Variants in DNAH9 observed in about 807,000 individuals in gnomAD.
DNAH9 encodes the protein DNAH9 variant protein.
DNAH9 carries 345 observed loss-of-function variants against 471.6 expected under a neutral mutation model. The observed-to-expected ratio is 0.73, with a 90% CI of 0.67 to 0.80. DNAH9 has a LOEUF of 0.80. Ranked by LOEUF, DNAH9 falls within the 30% of genes least tolerant of loss-of-function variation. The pLI, the probability that DNAH9 is intolerant of heterozygous loss-of-function variation, is 0.00. For synonymous variants in DNAH9, 2,093 were observed against 2,123.6 expected (o/e 0.99, Z 0.40); for missense variants, 5,407 against 5,609.2 (o/e 0.96, Z 1.15).
intron 12 of DNAH9, among the ~76,000 whole-genome samples, chr17:11,650,002 T>C (rs1226260225): frequency 6.6e-6 from 1 of 152,256 alleles, no homozygotes; most frequent in African/African-American, 2.4e-5. Flanking sequence ...TTTGTGGTTT[T>C]ATGTTTGGAA....
intron 38 of DNAH9, among the ~76,000 whole-genome samples, chr17:11,769,745 T>A (rs551667873): frequency 3.3e-4 from 51 of 152,320 alleles, no homozygotes; most frequent in African/African-American, 1.2e-3. Context: ...GGTAAAAGGA[T>A]GTGATTGCCC....
intron 36 of DNAH9, among the ~76,000 whole-genome samples, chr17:11,767,749 T>TTG: frequency 6.6e-6 from 1 of 152,202 alleles, no homozygotes; most frequent in East Asian, 1.9e-4. Context: ...GTACACTGGG[T>TTG]ATACAGCCCC....
intron 21 of DNAH9, 72 bp from the exon 22 acceptor site, chr17:11,694,249 A>G (rs2074388727): frequency 6.6e-7 from 1 of 1,524,538 alleles, no homozygotes; most frequent in East Asian, 2.3e-5. Flanking sequence ...ATATACATAC[A>G]TTTAAGTAAT....
intron 48 of DNAH9, among the ~76,000 whole-genome samples, chr17:11,826,729 T>C (rs1970509311): frequency 6.6e-6 from 1 of 151,704 alleles, no homozygotes. Context: ...CCCAAAGTGC[T>C]GGGATTACAA....
intron 14 of DNAH9, among the ~76,000 whole-genome samples, chr17:11,664,289 G>T (rs1193333304): frequency 6.6e-6 from 1 of 151,294 alleles, no homozygotes; most frequent in Non-Finnish European, 1.5e-5. Context: ...GAGAGAGAGA[G>T]TGAGAGAGAG....
At chr17:11,826,816 CTTTCTT>C (rs1970512576) in intron 48 of DNAH9, among the ~76,000 whole-genome samples, 1 of 136,316 alleles carries the variant, frequency 7.3e-6, no homozygotes, top group Admixed American at 7.3e-5. Flanking sequence ...TGAGTCCCTA[CTTTCTT>C]TTTTTTTTTT....
Position 11,701,113 on chromosome 17 carries a change from T to G in DNAH9, c.5026-9T>G, listed in dbSNP as rs758162584. On this transcript the variant is annotated splice_polypyrimidine_tract_variant and intron_variant, in intron 23 of 68. Coordinates refer to ENST00000262442, the MANE Select transcript of DNAH9 (RefSeq NM_001372.4). Reference sequence around the variant, plus strand: ...GGCACCCAGTGTCTAACCTGAGTTGTTCTTTCAGGTAGAAATATGGCTGAA... The same window carrying G: ...GGCACCCAGTGTCTAACCTGAGTTGGTCTTTCAGGTAGAAATATGGCTGAA... 1 of 1,614,082 alleles carries G rather than the reference T, an allele frequency of 6.2e-7. No homozygotes were observed. The highest frequency in any genetic ancestry group is 2.2e-5 in the East Asian group (1 of 44,874).
chr17:11,666,936 C>G (rs1007210131), intron 15 of DNAH9, among the ~76,000 whole-genome samples: 3 of 152,184 alleles, frequency 2.0e-5, no homozygotes, highest in Non-Finnish European at 2.9e-5. Flanking sequence ...TCCCTGTCAT[C>G]TCTCAACCCA....
At position 11,757,594 on chromosome 17, in the gene DNAH9, C is replaced by G. The variant is rs775679931; in HGVS notation, c.6897C>G (p.Ser2299Arg). Residue 2299 changes from serine to arginine, a missense_variant, in exon 35 of 69, where the codon AGC (serine) becomes AGG (arginine). Transcript: ENST00000262442. The part of the protein sequence containing the change: ...PADLGWNPPV[S>R]SWIEKREIQT... ...ACTTGGGATGGAACCCTCCAGTGAG[C>G]AGCTGGATTGAGAAGAGGGAAATCC... 6.2e-7 allele frequency: 1 copy of G among 1,613,318 alleles called. No individual in the cohort carries two copies. Among genetic ancestry groups the G allele is most frequent in the Non-Finnish European group, 8.5e-7 (1 of 1,179,236 alleles).
At chr17:11,813,403 C>T (rs1243157382) in intron 45 of DNAH9, among the ~76,000 whole-genome samples, 1 of 152,062 alleles carries the variant, frequency 6.6e-6, no homozygotes, top group East Asian at 1.9e-4. Flanking sequence ...TAATTTCTGG[C>T]CAGAAAGTAA....
chr17:11,849,256 G>A (rs1003985163), intron 49 of DNAH9, among the ~76,000 whole-genome samples: 1 of 152,052 alleles, frequency 6.6e-6, no homozygotes, highest in African/African-American at 2.4e-5. Context: ...TCAGTTCCCT[G>A]CCTAGATGGC....
At position 11,708,008 on chromosome 17, in the gene DNAH9, CACACACAGAGAGAGAGAGAGAGAG is replaced by C. The variant is rs1239535205; in HGVS notation, c.5552+2825_5552+2848del. On this transcript the variant is annotated intron_variant, in intron 26 of 68. Transcript: ENST00000262442. The stretch of plus-strand genomic sequence containing the variant: ...ACACACACACACACACACACACACA[CACACACAGAGAGAGAGAGAGAGAG>C]AGAGAGAGAGAGAGAGAGAGAGAGC... 9.4e-3 allele frequency among the ~76,000 whole-genome samples: 440 copies of C among 47,040 alleles called. 3 individuals are homozygous for C. The highest frequency in any genetic ancestry group is 0.025 in the African/African-American group (418 of 16,860). 30.9% of individuals were successfully genotyped at this position (47,040 alleles called of 152,430 possible).
Position 11,838,276 on chromosome 17 carries a change from C to T in DNAH9, c.9507+3378C>T, listed in dbSNP as rs143133424. On this transcript the variant is annotated intron_variant, in intron 49 of 68. Transcript: ENST00000262442. ...TAATCTAGAAGTAATGGTGCAGAAA[C>T]TGAAAGTGGTGACTTCCAGAGAGAC... Among the ~76,000 whole-genome samples the T allele has an allele frequency of 3.0e-3, 459 of 152,298 alleles. 4 individuals carry two copies. The highest frequency in any genetic ancestry group is 0.011 in the African/African-American group (444 of 41,564).
intron 21 of DNAH9, 95 bp from the exon 22 acceptor site, chr17:11,694,226 T>C: frequency 7.2e-7 from 1 of 1,393,038 alleles, no homozygotes; most frequent in East Asian, 2.3e-5. Flanking sequence ...AATGCATATG[T>C]TCCGTCTATT....
At chr17:11,836,539 G>A (rs978053918) in intron 49 of DNAH9, among the ~76,000 whole-genome samples, 2 of 152,084 alleles carry the variant, frequency 1.3e-5, no homozygotes, top group Non-Finnish European at 2.9e-5. Flanking sequence ...GTGTGACCCG[G>A]CTGTACCACT....
intron 14 of DNAH9, among the ~76,000 whole-genome samples, chr17:11,661,576 A>G (rs11656303): frequency 0.28 from 41,938 of 151,886 alleles, 6,872 homozygotes; most frequent in Middle Eastern, 0.4. Flanking sequence ...CTCAATTGGC[A>G]TTTCAGCTTT....
chr17:11,926,723 T>G lies in DNAH9; in HGVS notation c.11877+2782T>G, dbSNP rs1157074059. ...AATAGTGCTGCTGTGAACATATGCA[T>G]GCATGTATCTTTATAATAAAATGAT... On this transcript the variant is annotated intron_variant, in intron 62 of 68. Coordinates refer to ENST00000262442, the MANE Select transcript of DNAH9 (RefSeq NM_001372.4). Among the ~76,000 whole-genome samples the G allele has an allele frequency of 7.1e-4, 108 of 152,202 alleles. 2 individuals carry two copies. Among genetic ancestry groups the G allele is most frequent in the Non-Finnish European group, 1.3e-4 (9 of 68,038 alleles).
Position 11,719,341 on chromosome 17 carries a change from A to G in DNAH9, c.5560A>G (p.Ile1854Val). 1.2e-6 allele frequency: 2 copies of G among 1,613,854 alleles called. No individual in the cohort carries two copies. The highest frequency in any genetic ancestry group is 2.2e-5 in the East Asian group (1 of 44,854). The change falls in exon 27 of 69, where the codon ATC becomes GTC. Residue 1854 changes from isoleucine to valine, a missense_variant. By Grantham distance (29) the Ile-to-Val change is conservative (BLOSUM62 3). Transcript: ENST00000262442. ...VITPLTDRCY[I>V]TLTQSLHLTM... ...CCCTCCCGTGTTTGGCAGGTGCTAC[A>G]TCACCCTCACCCAGTCCCTGCACCT...
chr17:11,853,901 C>T, intron 49 of DNAH9, 102 bp from the exon 50 acceptor site: 2 of 1,104,372 alleles, frequency 1.8e-6, no homozygotes, highest in Non-Finnish European at 2.6e-6. Flanking sequence ...GGCTTCAAAG[C>T]AGCCCTTTCA....
Sources: gnomAD v4.1 joint callset for allele counts (sites outside exome capture counted in the v4.1 genomes callset) on GRCh38, gnomAD v4.1.1 for gene constraint, MANE v1.5 for transcripts, NCBI Gene and HGNC (gene_info 2026-07-23, HGNC 2026-07-21) for gene names.